SLAMF7: variants seen among roughly 807,000 people sequenced by gnomAD.
The protein encoded by SLAMF7 is 19A24 protein.
A neutral mutation model predicts 34.1 loss-of-function variants in SLAMF7; 26 were observed. The ratio of observed to expected loss-of-function variants is 0.76; its 90% CI spans 0.56 to 1.06. The LOEUF (loss-of-function observed/expected upper bound fraction) is 1.06. SLAMF7 is among the 50% of genes least tolerant of loss of function. The pLI, the probability that SLAMF7 is intolerant of heterozygous loss-of-function variation, is 0.00. For missense variants in SLAMF7, 399 were observed against 402.5 expected (o/e 0.99, Z 0.07); for synonymous variants, 171 against 156.4 (o/e 1.09, Z -0.70).
intron 1 of SLAMF7, among the ~76,000 whole-genome samples, chr1:160,743,758 G>A (rs1663926215): frequency 6.6e-6 from 1 of 152,244 alleles, no homozygotes; most frequent in East Asian, 1.9e-4. Context: ...GCACGATCAC[G>A]GCTCACTGCA....
intron 1 of SLAMF7, among the ~76,000 whole-genome samples, chr1:160,746,495 G>A (rs1423312570): frequency 6.6e-6 from 1 of 152,178 alleles, no homozygotes; most frequent in Non-Finnish European, 1.5e-5. Flanking sequence ...ATGTTAAGAG[G>A]CAGAAGGGGA....
intron 1 of SLAMF7, among the ~76,000 whole-genome samples, chr1:160,744,504 CAA>C (rs1196969733): frequency 6.6e-6 from 1 of 152,220 alleles, no homozygotes; most frequent in Non-Finnish European, 1.5e-5. Context: ...TAACAAGAAA[CAA>C]TGCGTTTGGC....
intron 6 of SLAMF7, 127 bp from the exon 7 acceptor site, chr1:160,752,979 G>A (rs1378752252): frequency 2.7e-6 from 2 of 736,720 alleles, no homozygotes. Context: ...AACAGTGGGA[G>A]CCAGCATGCC....
intron 1 of SLAMF7, among the ~76,000 whole-genome samples, chr1:160,741,727 C>A (rs1558052114): frequency 6.6e-6 from 1 of 152,142 alleles, no homozygotes; most frequent in Non-Finnish European, 1.5e-5. Context: ...CCAAGAAATA[C>A]ACTGAGGCAC....
Position 160,749,968 on chromosome 1 carries a change from A to G in SLAMF7, c.524A>G (p.His175Arg), listed in dbSNP as rs1324934496. The G allele has an allele frequency of 2.5e-6, 4 of 1,614,034 alleles. No homozygotes were observed. The highest frequency in any genetic ancestry group is 3.4e-6 in the Non-Finnish European group (4 of 1,179,972). ...CTGGGGCAAGCAGCCAATGAGTCCCATAATGGGTCCATCCTCCCCATCTCC... is the reference window on the plus strand; with the variant it reads ...CTGGGGCAAGCAGCCAATGAGTCCCGTAATGGGTCCATCCTCCCCATCTCC... ...KALGQAANES[H>R]NGSILPISWR... Residue 175 changes from histidine to arginine, a missense_variant, in exon 3 of 7, where the codon CAT becomes CGT. By Grantham distance (29) the His-to-Arg change is conservative (BLOSUM62 0). Transcript: ENST00000368043.
rs559627147 is a variant in SLAMF7 at position 160,742,301 on chromosome 1, G to A, written c.55+2945G>A. On this transcript the variant is annotated intron_variant, in intron 1 of 6. Transcript: ENST00000368043. ...CAAAGACATCTGAGTCTTGGCTGGG[G>A]CAAAAGACAAAGGGTCTCCTGCCCC... 5.3e-5 allele frequency among the ~76,000 whole-genome samples: 8 copies of A among 152,248 alleles called. No individual in the cohort carries two copies. The South Asian group carries it at 1.5e-3, about 28-fold the overall frequency.
At chr1:160,739,454 G>A (rs2101646779) in intron 1 of SLAMF7, 98 bp downstream of exon 1, 2 of 1,014,820 alleles carry the variant, frequency 2.0e-6, no homozygotes, top group Non-Finnish European at 3.0e-6. Context: ...CAACTCGGGA[G>A]GCTCTGTGTT....
At chr1:160,751,883 TATATATATATATATATATACAC>T (rs1558060910) in intron 5 of SLAMF7, 1 of 137,404 alleles carries the variant, frequency 7.3e-6, no homozygotes, top group African/African-American at 2.7e-5. Context: ...TATATATATA[TATATATATATATATATATACAC>T]ACACATATAT....
chr1:160,745,740 C>CA (rs1173158909), intron 1 of SLAMF7, among the ~76,000 whole-genome samples: 2 of 152,136 alleles, frequency 1.3e-5, no homozygotes, highest in Non-Finnish European at 2.9e-5. Flanking sequence ...CAAAAACAGG[C>CA]AGTGGACCAG....
At chr1:160,752,050 A>G (rs1309106684) in intron 5 of SLAMF7, 136 bp from the exon 6 acceptor site, 4 of 660,724 alleles carry the variant, frequency 6.1e-6, no homozygotes, top group African/African-American at 1.8e-5. Flanking sequence ...TCCCTGTTCC[A>G]GAACCCTCCT....
At chr1:160,745,688 T>C (rs1571112986) in intron 1 of SLAMF7, among the ~76,000 whole-genome samples, 1 of 152,302 alleles carries the variant, frequency 6.6e-6, no homozygotes, top group Non-Finnish European at 1.5e-5. Context: ...AGACAATATG[T>C]AAATGAAAGA....
chr1:160,743,327 G>C (rs960284990), intron 1 of SLAMF7, among the ~76,000 whole-genome samples: 6 of 152,212 alleles, frequency 3.9e-5, no homozygotes, highest in Admixed American at 6.5e-5. Flanking sequence ...GCACAAACAA[G>C]AGTGTGAGGT....
intron 1 of SLAMF7, among the ~76,000 whole-genome samples, chr1:160,745,809 T>C (rs979411484): frequency 5.3e-5 from 8 of 152,254 alleles, no homozygotes; most frequent in Non-Finnish European, 1.0e-4. Flanking sequence ...AATGCCTAAT[T>C]TGCAGGATTG....
intron 1 of SLAMF7, among the ~76,000 whole-genome samples, chr1:160,744,195 C>T (rs1663960870): frequency 6.6e-6 from 1 of 152,200 alleles, no homozygotes; most frequent in African/African-American, 2.4e-5. Context: ...GGGTCACACA[C>T]TGCAGGTGCA....
At chr1:160,739,198 G>T (rs1226444852), upstream of SLAMF7, 1 of 988,166 alleles carries the variant, frequency 1.0e-6, no homozygotes, top group South Asian at 1.3e-5. Context: ...ACATGTCTGC[G>T]GCGTGACCCC....
chr1:160,750,509 A>G, intron 4 of SLAMF7, 86 bp downstream of exon 4: 1 of 1,502,058 alleles, frequency 6.7e-7, no homozygotes, highest in Admixed American at 2.0e-5. Flanking sequence ...GCTGTGTGCC[A>G]GACTTGGCAT....
chr1:160,753,126 G>A lies in SLAMF7; in HGVS notation c.957G>A (p.Leu319=), dbSNP rs779363379. ...TTCAGATGGAAAATCCCCACTCACT[G>A]CTCACGATGCCAGACACACCAAGGC... The part of the protein sequence containing the change: ...IPKKMENPHS[L]LTMPDTPRLF... Residue 319 remains leucine, a synonymous_variant, in exon 7 of 7, where the codon CTG becomes CTA. Transcript: ENST00000368043. 2 of 1,613,534 alleles carry A rather than the reference G, an allele frequency of 1.2e-6. No individual in the cohort carries two copies. Among genetic ancestry groups the A allele is most frequent in the Non-Finnish European group, 1.7e-6 (2 of 1,179,940 alleles).
rs1471009259 is a variant in SLAMF7 at position 160,749,945 on chromosome 1, G to C, written c.501G>C (p.Leu167=). 2 of 1,614,146 alleles carry C rather than the reference G, an allele frequency of 1.2e-6. No homozygotes were observed. The highest frequency in any genetic ancestry group is 1.7e-6 in the Non-Finnish European group (2 of 1,179,970). Residue 167 remains leucine (L), a synonymous_variant, in exon 3 of 7, where the codon CTG becomes CTC. Transcript: ENST00000368043. ...EEDVIYTWKA[L]GQAANESHNG... ...ATGTGATTTATACCTGGAAGGCCCT[G>C]GGGCAAGCAGCCAATGAGTCCCATA...
At chr1:160,750,864 C>T (rs1238486872) in intron 4 of SLAMF7, 1 of 228,450 alleles carries the variant, frequency 4.4e-6, no homozygotes, top group African/African-American at 2.3e-5. Context: ...ACAGGATCAA[C>T]CCAAGACCTC....
Sources: gnomAD v4.1 joint callset for allele counts (sites outside exome capture counted in the v4.1 genomes callset) on GRCh38, gnomAD v4.1.1 for gene constraint, MANE v1.5 for transcripts, NCBI Gene and HGNC (gene_info 2026-07-23, HGNC 2026-07-21) for gene names.